The following RFT1 variants were observed in gnomAD, a reference collection of about 807,000 sequenced individuals.
The protein encoded by RFT1 is RFT1 glycolipid translocator homolog.
RFT1 carries 43 observed loss-of-function variants against 62.2 expected under a neutral mutation model. The observed-to-expected ratio is 0.69, with a 90% CI of 0.54 to 0.89. The LOEUF is 0.89. Ranked by LOEUF, RFT1 falls within the 40% of genes least tolerant of loss-of-function variation. The probability of loss-of-function intolerance (pLI) is 0.00; values close to 1 mark genes in which losing one functional copy is unlikely to be tolerated. For synonymous variants in RFT1, 262 were observed against 264.6 expected (o/e 0.99, Z 0.10); for missense variants, 605 against 649.9 (o/e 0.93, Z 0.75).
At chr3:53,098,472 G>C (rs934579763) in intron 11 of RFT1, among the ~76,000 whole-genome samples, 3 of 143,964 alleles carry the variant, frequency 2.1e-5, no homozygotes, top group African/African-American at 8.9e-5. Context: ...GCTTCTGAGG[G>C]CCCTCACCAG....
chr3:53,105,410 TCCCCGCC>T (rs761326998), intron 9 of RFT1, among the ~76,000 whole-genome samples: 35 of 117,028 alleles, frequency 3.0e-4, no homozygotes, highest in East Asian at 1.8e-3. Context: ...CAAGACTCTA[TCCCCGCC>T]CCCCCCCCCA....
downstream of RFT1, among the ~76,000 whole-genome samples, chr3:53,086,351 T>C (rs1700854163): frequency 6.6e-6 from 1 of 152,168 alleles, no homozygotes. Flanking sequence ...AGTCTCGCTC[T>C]GTCACCCAGG....
chr3:53,107,448 T>C (rs1302484661), intron 7 of RFT1, among the ~76,000 whole-genome samples: 2 of 151,982 alleles, frequency 1.3e-5, no homozygotes, highest in African/African-American at 4.8e-5. Flanking sequence ...TAAAAATAAG[T>C]TTTTAAAAAA....
intron 1 of RFT1, 23 bp from the exon 2 acceptor site, chr3:53,126,017 CG>C (rs1559599872): frequency 2.6e-6 from 4 of 1,564,464 alleles, no homozygotes; most frequent in Admixed American, 1.7e-5. Context: ...AGGAAAAATA[CG>C]TAAGAATAAA....
At position 53,099,235 on chromosome 3, in the gene RFT1, A is replaced by T. The variant is rs376721822; in HGVS notation, c.1208+146T>A. On this transcript the variant is annotated intron_variant, in intron 11 of 12. Coordinates refer to ENST00000296292, the MANE Select transcript of RFT1 (RefSeq NM_052859.4). ...ACCATGCTGGTGCCACAGAGATCCC[A>T]GGGGAGCACCACACTGGTGGACTAA... The T allele has an allele frequency of 9.4e-5, 66 of 703,838 alleles. No homozygotes were observed. In the South Asian group the frequency reaches 9.4e-4, roughly 10 times the overall value. 43.6% of individuals were successfully genotyped at this position (703,838 alleles called of 1,614,324 possible).
chr3:53,103,729 A>G lies in RFT1; in HGVS notation c.1102+224T>C, dbSNP rs894942075. On this transcript the variant is annotated intron_variant, in intron 10 of 12. Coordinates refer to ENST00000296292, the MANE Select transcript of RFT1 (RefSeq NM_052859.4). ...AGGAGAAGTCCTAATAACTTCTCCAAGTGAGGCTGGGGAAGCTGATTGTCC... is the reference window on the plus strand; with the variant it reads ...AGGAGAAGTCCTAATAACTTCTCCAGGTGAGGCTGGGGAAGCTGATTGTCC... 7 of 579,188 alleles carry G rather than the reference A, an allele frequency of 1.2e-5. No individual in the cohort carries two copies. The South Asian group carries it at 1.4e-4, about 11-fold the overall frequency. The allele number at this position is 579,188 out of a possible 1,614,324, so 35.9% of individuals were successfully genotyped here.
intron 11 of RFT1, among the ~76,000 whole-genome samples, chr3:53,097,236 G>A (rs1253480254): frequency 6.6e-6 from 1 of 151,522 alleles, no homozygotes; most frequent in Non-Finnish European, 1.5e-5. Context: ...AAAATTCACA[G>A]AGATTAAAAA....
chr3:53,115,785 G>A (rs1276319259), intron 6 of RFT1, among the ~76,000 whole-genome samples: 1 of 152,204 alleles, frequency 6.6e-6, no homozygotes, highest in Non-Finnish European at 1.5e-5. Context: ...TTCCTAGATG[G>A]AATTCAGCAG....
intron 1 of RFT1, among the ~76,000 whole-genome samples, chr3:53,127,652 TAA>T (rs34417920): frequency 1.6e-3 from 222 of 137,802 alleles, no homozygotes; most frequent in East Asian, 2.7e-3. Flanking sequence ...GACTCCATCT[TAA>T]AAAAAAAAAA....
chr3:53,097,147 G>A (rs1484839875), intron 11 of RFT1, among the ~76,000 whole-genome samples: 1 of 152,134 alleles, frequency 6.6e-6, no homozygotes, highest in Non-Finnish European at 1.5e-5. Context: ...CCAATGCAAA[G>A]TCATTATAAT....
chr3:53,105,716 G>C lies in RFT1; in HGVS notation c.914C>G (p.Ala305Gly). The C allele has an allele frequency of 6.2e-7, 1 of 1,613,626 alleles. No homozygotes were observed. The highest frequency in any genetic ancestry group is 1.7e-5 in the Admixed American group (1 of 60,002). ...ATCCTTTCCCCTCTCCAGCACCTTA[G>C]CAAAAAATATATAAAAACTTTCCTC... is the stretch of plus-strand genomic sequence containing the variant. ...PIEESFYIFF[A>G]KVLERGKDAT... is the part of the protein sequence containing the mutation. The change falls in exon 9 of 13, where the codon GCT (alanine) becomes GGT (glycine). Residue 305 changes from alanine (A) to glycine (G), a missense_variant. By Grantham distance (60) the Ala-to-Gly change is moderately conservative (BLOSUM62 0). Transcript: ENST00000296292.
chr3:53,067,098 C>A, the RFT1 span, among the ~76,000 whole-genome samples: 3 of 152,184 alleles, frequency 2.0e-5, no homozygotes, highest in Non-Finnish European at 2.9e-5. Flanking sequence ...GAGGCCGAGG[C>A]GGGCGGAGCG....
intron 10 of RFT1, among the ~76,000 whole-genome samples, chr3:53,102,638 AAAC>A (rs1163861762): frequency 6.6e-6 from 1 of 152,228 alleles, no homozygotes; most frequent in Non-Finnish European, 1.5e-5. Context: ...GGCTAATCCC[AAAC>A]AACGGAAGAG....
intron 11 of RFT1, among the ~76,000 whole-genome samples, chr3:53,098,115 G>A (rs1042972103): frequency 6.6e-5 from 10 of 152,180 alleles, no homozygotes; most frequent in African/African-American, 1.9e-4. Flanking sequence ...ACCTAAGTGC[G>A]TCCTAGGTCA....
downstream of RFT1, among the ~76,000 whole-genome samples, chr3:53,086,674 C>T (rs1379740137): frequency 6.6e-6 from 1 of 152,124 alleles, no homozygotes; most frequent in Non-Finnish European, 1.5e-5. Flanking sequence ...TCTAGGGGAC[C>T]CCTGATACTT....
chr3:53,099,700 T>C (rs1419006561), intron 10 of RFT1, among the ~76,000 whole-genome samples: 2 of 152,086 alleles, frequency 1.3e-5, no homozygotes, highest in African/African-American at 4.8e-5. Flanking sequence ...AAAAACAAAA[T>C]GACAGGCTGG....
At chr3:53,100,207 G>C (rs1701273094) in intron 10 of RFT1, among the ~76,000 whole-genome samples, 1 of 152,178 alleles carries the variant, frequency 6.6e-6, no homozygotes, top group Non-Finnish European at 1.5e-5. Context: ...CCCAGGACCA[G>C]CAGAAAATTA....
At chr3:53,128,223 G>A (rs535439140) in intron 1 of RFT1, among the ~76,000 whole-genome samples, 5 of 152,222 alleles carry the variant, frequency 3.3e-5, no homozygotes, top group East Asian at 3.9e-4. Context: ...TCTTGGGCCC[G>A]GGAGGCGGAT....
At chr3:53,098,734 A>G (rs528299561) in intron 11 of RFT1, among the ~76,000 whole-genome samples, 60 of 144,286 alleles carry the variant, frequency 4.2e-4, no homozygotes, top group Admixed American at 1.5e-3. Context: ...CCTGGGAGGC[A>G]GAGCTTGCAG....
Sources: gnomAD v4.1 joint callset for allele counts (sites outside exome capture counted in the v4.1 genomes callset) on GRCh38, gnomAD v4.1.1 for gene constraint, MANE v1.5 for transcripts, NCBI Gene and HGNC (gene_info 2026-07-23, HGNC 2026-07-21) for gene names.